NELL2: variants seen among roughly 807,000 people sequenced by gnomAD.
NELL2 encodes the protein neural EGFL like 2, also known as protein kinase C-binding protein NELL2.
In NELL2, 41 loss-of-function variants were observed where a neutral mutation model predicts 109.6. The observed-to-expected ratio is 0.37, with a 90% CI of 0.29 to 0.49. The LOEUF (loss-of-function observed/expected upper bound fraction) is 0.49. NELL2 is among the 20% of genes least tolerant of loss of function. The probability of loss-of-function intolerance (pLI) is 0.98; values close to 1 mark genes in which losing one functional copy is unlikely to be tolerated. For synonymous variants in NELL2, 355 were observed against 344.7 expected (o/e 1.03, Z -0.33); for missense variants, 900 against 1,008.3 (o/e 0.89, Z 1.45).
chr12:44,609,414 T>A (rs1281023595), intron 14 of NELL2, among the ~76,000 whole-genome samples: 1 of 152,064 alleles, frequency 6.6e-6, no homozygotes, highest in Non-Finnish European at 1.5e-5. Context: ...CAGTGAGAGA[T>A]CTCATCATGC....
intron 19 of NELL2, among the ~76,000 whole-genome samples, chr12:44,510,228 C>T (rs1043213348): frequency 2.0e-5 from 3 of 152,160 alleles, no homozygotes; most frequent in African/African-American, 7.2e-5. Flanking sequence ...GTGTCAGACA[C>T]TTTGCCAGGC....
intron 10 of NELL2, among the ~76,000 whole-genome samples, chr12:44,713,175 GATAC>G (rs1343814377): frequency 2.6e-5 from 2 of 77,634 alleles, no homozygotes; most frequent in Non-Finnish European, 5.7e-5. Context: ...AAATGAATAG[GATAC>G]ACACACACAC....
intron 19 of NELL2, among the ~76,000 whole-genome samples, chr12:44,519,692 G>C (rs1456594808): frequency 1.3e-5 from 2 of 152,160 alleles, no homozygotes; most frequent in Non-Finnish European, 2.9e-5. Context: ...CATGAGGTTT[G>C]TTGTTTCAGC....
At chr12:44,685,004 T>C (rs2136381135) in intron 12 of NELL2, among the ~76,000 whole-genome samples, 1 of 152,148 alleles carries the variant, frequency 6.6e-6, no homozygotes, top group African/African-American at 2.4e-5. Flanking sequence ...ATCTGTCTAA[T>C]GTTGACAGTG....
chr12:44,541,393 C>A (rs1942564118), intron 15 of NELL2, among the ~76,000 whole-genome samples: 1 of 151,326 alleles, frequency 6.6e-6, no homozygotes, highest in African/African-American at 2.4e-5. Context: ...AAAAGGATAT[C>A]CAGAGAGGAA....
intron 2 of NELL2, among the ~76,000 whole-genome samples, chr12:44,816,867 A>C (rs1943369317): frequency 6.6e-6 from 1 of 152,222 alleles, no homozygotes; most frequent in South Asian, 2.1e-4. Context: ...CTCAGGACCC[A>C]GATTATATGG....
At chr12:44,515,911 A>G (rs1017195875) in intron 19 of NELL2, among the ~76,000 whole-genome samples, 4 of 151,934 alleles carry the variant, frequency 2.6e-5, no homozygotes, top group Non-Finnish European at 2.9e-5. Flanking sequence ...ATATTTCAAT[A>G]TGTTTTAATA....
At chr12:44,526,682 T>G (rs1024708154) in intron 16 of NELL2, among the ~76,000 whole-genome samples, 3 of 152,244 alleles carry the variant, frequency 2.0e-5, no homozygotes, top group African/African-American at 7.2e-5. Flanking sequence ...TGTATAGATT[T>G]CTGGCGTGGA....
intron 13 of NELL2, among the ~76,000 whole-genome samples, chr12:44,640,357 T>C (rs1303335940): frequency 1.3e-5 from 2 of 152,176 alleles, no homozygotes; most frequent in African/African-American, 2.4e-5. Context: ...AAGGGGTAAA[T>C]ACTTTGCCCC....
intron 2 of NELL2, among the ~76,000 whole-genome samples, chr12:44,843,781 G>C (rs550824034): frequency 1.3e-5 from 2 of 152,228 alleles, no homozygotes; most frequent in African/African-American, 4.8e-5. Context: ...CAGCACTTTG[G>C]GAGGCCAAGA....
At chr12:44,806,398 ATC>A (rs1709045856) in intron 3 of NELL2, among the ~76,000 whole-genome samples, 1 of 151,862 alleles carries the variant, frequency 6.6e-6, no homozygotes, top group Non-Finnish European at 1.5e-5. Flanking sequence ...ACATATTAAA[ATC>A]TGTTATGAAA....
intron 15 of NELL2, among the ~76,000 whole-genome samples, chr12:44,534,847 T>C (rs1942226549): frequency 6.6e-6 from 1 of 152,084 alleles, no homozygotes; most frequent in African/African-American, 2.4e-5. Flanking sequence ...CTGAAGCAAC[T>C]TTCCCATTAT....
chr12:44,536,482 C>A (rs1224047219), intron 15 of NELL2, among the ~76,000 whole-genome samples: 1 of 151,880 alleles, frequency 6.6e-6, no homozygotes, highest in Non-Finnish European at 1.5e-5. Flanking sequence ...GTAACTGAGT[C>A]AGATACACAG....
chr12:44,828,098 A>G (rs1395209071), intron 2 of NELL2, among the ~76,000 whole-genome samples: 1 of 152,128 alleles, frequency 6.6e-6, no homozygotes, highest in African/African-American at 2.4e-5. Context: ...GCTGTTTGCC[A>G]TTTGTATGAC....
chr12:44,728,759 G>A (rs771070837), intron 9 of NELL2, among the ~76,000 whole-genome samples: 1 of 152,090 alleles, frequency 6.6e-6, no homozygotes. Context: ...ATGTACAAGG[G>A]AACTGCCATC....
At position 44,776,096 on chromosome 12, in the gene NELL2, T is replaced by C. The variant is rs953088614; in HGVS notation, c.817A>G (p.Thr273Ala). The C allele has an allele frequency of 5.0e-6, 8 of 1,614,118 alleles. No individual in the cohort carries two copies. The highest frequency in any genetic ancestry group is 3.3e-5 in the Admixed American group (2 of 60,018). The change falls in exon 8 of 20, where the codon ACT becomes GCT. Residue 273 changes from threonine to alanine, a missense_variant. Thr to Ala is a moderately conservative substitution (Grantham distance 58). This residue lies in a region of NELL2 where 292 missense variants were observed against 265.3 expected (regional missense o/e 1.10). Coordinates refer to ENST00000429094, the MANE Select transcript of NELL2 (RefSeq NM_001145108.2). ...NRLDQCYCERTCTMKGTTYRE... is the reference protein window; with the variant it reads ...NRLDQCYCERACTMKGTTYRE... The stretch of plus-strand genomic sequence containing the variant: ...TAGGTGGTTCCCTTCATGGTGCAAG[T>C]CCTTTCACAATAGCACTGATCCAAT...
chr12:44,766,760 T>C (rs1941351828), intron 9 of NELL2, among the ~76,000 whole-genome samples: 1 of 152,204 alleles, frequency 6.6e-6, no homozygotes, highest in Admixed American at 6.5e-5. Flanking sequence ...AAGAATCCCA[T>C]TTTGGTCCCC....
chr12:44,809,775 A>G (rs1251737172), intron 3 of NELL2, among the ~76,000 whole-genome samples: 1 of 152,034 alleles, frequency 6.6e-6, no homozygotes, highest in Non-Finnish European at 1.5e-5. Context: ...ATTCTGCAAC[A>G]GTGTGATCAT....
At chr12:44,783,300 A>T (rs1261790393) in intron 3 of NELL2, among the ~76,000 whole-genome samples, 1 of 151,770 alleles carries the variant, frequency 6.6e-6, no homozygotes, top group Admixed American at 6.6e-5. Context: ...GTCCCAAATC[A>T]ATAAGCTCCC....
Sources: allele counts gnomAD v4.1 joint callset (sites outside exome capture counted in the v4.1 genomes callset), GRCh38; gene constraint gnomAD v4.1.1; regional missense constraint gnomAD v4.1.1; transcripts MANE v1.5; gene names NCBI Gene and HGNC (gene_info 2026-07-23, HGNC 2026-07-21).